Variants in VPS33B observed in about 807,000 individuals in gnomAD.
VPS33B encodes vacuolar protein sorting-associated protein 33B.
VPS33B carries 80 observed loss-of-function variants against 95.3 expected under a neutral mutation model. The observed-to-expected ratio is 0.84, with a 90% CI of 0.70 to 1.01. The LOEUF is 1.01. VPS33B is among the 50% of genes least tolerant of loss of function. VPS33B has a pLI of 0.00. For synonymous variants in VPS33B, 280 were observed against 280.4 expected, an observed-to-expected ratio of 1.00 and a Z score of 0.01; for missense variants, 715 against 773.4, an observed-to-expected ratio of 0.92 and a Z score of 0.90.
intron 2 of VPS33B, among the ~76,000 whole-genome samples, 200 bp downstream of exon 2, chr15:91,017,605 G>A (rs960570442): frequency 1.3e-5 from 2 of 150,942 alleles, no homozygotes; most frequent in African/African-American, 4.9e-5. Context: ...TCCAGCCTGG[G>A]CAACAGAGAG....
chr15:91,005,147 A>T lies in VPS33B; in HGVS notation c.1106-28T>A. On this transcript the variant is annotated intron_variant, in intron 14 of 22. Transcript: ENST00000333371. This position sits in a 1 kb window ranked among gnomAD's most constrained non-coding sequence, Gnocchi z 6.4. ...GTGAGTAATCAGAGGAGAGCCTGTT[A>T]CTGGGGGCCAGCTCAGCTGCTGCCA... is the stretch of plus-strand genomic sequence containing the variant. The T allele has an allele frequency of 6.2e-7, 1 of 1,614,106 alleles. No individual in the cohort carries two copies. The highest frequency in any genetic ancestry group is 8.5e-7 in the Non-Finnish European group (1 of 1,180,040).
At position 91,013,816 on chromosome 15, in the gene VPS33B, G is replaced by T; in HGVS notation, c.345C>A (p.Phe115Leu). Residue 115 changes from phenylalanine to leucine, a missense_variant, in exon 5 of 23, where the codon TTC (phenylalanine) becomes TTA (leucine). Phe to Leu is a conservative substitution (Grantham distance 22). Transcript: ENST00000333371. The surrounding 1 kb of genome is among the most constrained non-coding windows in gnomAD (Gnocchi z 4.5). ...GATCCAAACTCACCTTTTGAGGGCT[G>T]AAGATCACTTTGTATTTGCGAGTTC... ...AGRTRKYKVI[F>L]SPQKFYACEM... The T allele has an allele frequency of 6.2e-7, 1 of 1,614,142 alleles. No individual in the cohort carries two copies. Among genetic ancestry groups the T allele is most frequent in the African/African-American group, 1.3e-5 (1 of 75,042 alleles).
chr15:91,020,694 A>T (rs2041077564), intron 1 of VPS33B, among the ~76,000 whole-genome samples: 1 of 152,160 alleles, frequency 6.6e-6, no homozygotes, highest in Non-Finnish European at 1.5e-5. Flanking sequence ...CAGCCTGGCC[A>T]ACATGGTGAA....
At position 91,013,513 on chromosome 15, in the gene VPS33B, C is replaced by T. The variant is rs558331387; in HGVS notation, c.357+291G>A. Among the ~76,000 whole-genome samples the T allele has an allele frequency of 2.6e-5, 4 of 152,212 alleles. No homozygotes were observed. The highest frequency in any genetic ancestry group is 6.5e-5 in the Admixed American group (1 of 15,276). ...ATGGCAGGAGTGGGTTGCTATAAGGCGAGTCCAGCCCCTGGGTGTCTCTTG... is the reference window on the plus strand; with the variant it reads ...ATGGCAGGAGTGGGTTGCTATAAGGTGAGTCCAGCCCCTGGGTGTCTCTTG... On this transcript the variant is annotated intron_variant, in intron 5 of 22. Transcript: ENST00000333371. The surrounding 1 kb of genome is among the most constrained non-coding windows in gnomAD (Gnocchi z 4.5).
At position 91,013,103 on chromosome 15, in the gene VPS33B, G is replaced by GT. The variant is rs1447250042; in HGVS notation, c.357+700dup. Among the ~76,000 whole-genome samples, 7 of 152,162 alleles carry GT rather than the reference G, an allele frequency of 4.6e-5. No individual in the cohort carries two copies. Among genetic ancestry groups the GT allele is most frequent in the African/African-American group, 1.7e-4 (7 of 41,412 alleles). On this transcript the variant is annotated intron_variant, in intron 5 of 22. Coordinates refer to ENST00000333371, the MANE Select transcript of VPS33B (RefSeq NM_018668.5). This position sits in a 1 kb window ranked among gnomAD's most constrained non-coding sequence, Gnocchi z 4.5. ...ACAGGGAGAAAGTCACTGGAAAGCCGTAACATTGTGCACCATTACTATACT... is the reference window on the plus strand; with the variant it reads ...ACAGGGAGAAAGTCACTGGAAAGCCGTTAACATTGTGCACCATTACTATACT...
chr15:91,014,908 G>A (rs1055329643), intron 3 of VPS33B, among the ~76,000 whole-genome samples: 29 of 152,030 alleles, frequency 1.9e-4, no homozygotes, highest in Admixed American at 3.3e-4. Context: ...GCAACACAGT[G>A]AGACCTCATC....
At position 91,005,282 on chromosome 15, in the gene VPS33B, C is replaced by G. The variant is rs1437332214; in HGVS notation, c.1105+98G>C. On this transcript the variant is annotated intron_variant, in intron 14 of 22. Coordinates refer to ENST00000333371, the MANE Select transcript of VPS33B (RefSeq NM_018668.5). This position sits in a 1 kb window ranked among gnomAD's most constrained non-coding sequence, Gnocchi z 6.4. ...CAGCATTCCACATAGCCAGTGTCAG[C>G]TGGAAAGAGCCAGAGAACATCTTTT... 1.8e-5 allele frequency: 29 copies of G among 1,612,816 alleles called. No homozygotes were observed. The highest frequency in any genetic ancestry group is 2.4e-5 in the Non-Finnish European group (28 of 1,179,766).
At position 91,009,928 on chromosome 15, in the gene VPS33B, A is replaced by G; in HGVS notation, c.358-82T>C. ...CTCTGGAGTTCCTCTGTGGTCACTG[A>G]TGAGGACAATAATTGCCGAACCCAG... On this transcript the variant is annotated intron_variant, in intron 5 of 22. Coordinates refer to ENST00000333371, the MANE Select transcript of VPS33B (RefSeq NM_018668.5). The surrounding 1 kb of genome is among the most constrained non-coding windows in gnomAD (Gnocchi z 4.1). 1 of 1,527,464 alleles carries G rather than the reference A, an allele frequency of 6.5e-7. No individual in the cohort carries two copies. Among genetic ancestry groups the G allele is most frequent in the Non-Finnish European group, 9.1e-7 (1 of 1,103,306 alleles). The allele number at this position is 1,527,464 out of a possible 1,614,324, so 94.6% of individuals were successfully genotyped here.
intron 3 of VPS33B, 53 bp downstream of exon 3, chr15:91,016,910 C>T: frequency 6.4e-7 from 1 of 1,573,342 alleles, no homozygotes; most frequent in East Asian, 2.2e-5. Flanking sequence ...GCAGACGTGC[C>T]CCTAGGGACC....
Position 91,011,050 on chromosome 15 carries a change from A to T in VPS33B, c.358-1204T>A, listed in dbSNP as rs868536735. Among the ~76,000 whole-genome samples, 6 of 152,324 alleles carry T rather than the reference A, an allele frequency of 3.9e-5. No homozygotes were observed. The Middle Eastern group carries it at 0.01, about 259-fold the overall frequency. On this transcript the variant is annotated intron_variant, in intron 5 of 22. Coordinates refer to ENST00000333371, the MANE Select transcript of VPS33B (RefSeq NM_018668.5). This position sits in a 1 kb window ranked among gnomAD's most constrained non-coding sequence, Gnocchi z 5.5. ...AAGGCATAGACATGGGTGAAGGCAG[A>T]AGAGAAAGTCTACCTGGTAAAGCAA...
chr15:90,999,217 G>T lies in VPS33B; in HGVS notation c.1775-163C>A. ...TTGGGCACCACTGCTTTCTATGACT[G>T]GTATAACTGGGCTCCCTGCTGTGGC... On this transcript the variant is annotated intron_variant, in intron 22 of 22. Transcript: ENST00000333371. This position sits in a 1 kb window ranked among gnomAD's most constrained non-coding sequence, Gnocchi z 5.1. 2 of 713,536 alleles carry T rather than the reference G, an allele frequency of 2.8e-6. No individual in the cohort carries two copies. The allele number at this position is 713,536 out of a possible 1,614,324, so 44.2% of individuals were successfully genotyped here.
In VPS33B at chr15:91,009,352, G is replaced by A. The variant is rs1164480568; in HGVS notation, c.403+449C>T. Among the ~76,000 whole-genome samples, 1 of 151,132 alleles carries A rather than the reference G, an allele frequency of 6.6e-6. No individual in the cohort carries two copies. Among genetic ancestry groups the A allele is most frequent in the Non-Finnish European group, 1.5e-5 (1 of 67,918 alleles). ...TCTGAGTCTCACTCTTGTTGCCCAG[G>A]CTGGAGTGCAATGGCGTGATCTCGG... On this transcript the variant is annotated intron_variant, in intron 6 of 22. Transcript: ENST00000333371. The surrounding 1 kb of genome is among the most constrained non-coding windows in gnomAD (Gnocchi z 4.1).
rs1398435967 is a variant in VPS33B at position 91,019,403 on chromosome 15, G to A, written c.97-1518C>T. 2.0e-5 allele frequency among the ~76,000 whole-genome samples: 3 copies of A among 152,134 alleles called. No homozygotes were observed. The East Asian group carries it at 5.8e-4, about 29-fold the overall frequency. ...CCCAAACTGTTGGGATTATAGGTGT[G>A]AGCCACCACGTTTGGCCTTTTTAAA... On this transcript the variant is annotated intron_variant, in intron 1 of 22. Transcript: ENST00000333371.
chr15:91,001,787 GT>G (rs1362536854), intron 18 of VPS33B, among the ~76,000 whole-genome samples: 3 of 152,082 alleles, frequency 2.0e-5, no homozygotes, highest in Non-Finnish European at 2.9e-5. Flanking sequence ...CTAAGCCTCA[GT>G]TTCATCATAA....
rs1936708272 is a variant in VPS33B at position 91,018,805 on chromosome 15, T to A, written c.97-920A>T. 6.6e-6 allele frequency among the ~76,000 whole-genome samples: 1 copy of A among 152,084 alleles called. No homozygotes were observed. The highest frequency in any genetic ancestry group is 2.1e-4 in the South Asian group (1 of 4,826). ...GAAATCTTTTTTTTTAAATCTTATTTGTTGTTTTGTTTTGTTTGTTTGTTT... is the reference window on the plus strand; with the variant it reads ...GAAATCTTTTTTTTTAAATCTTATTAGTTGTTTTGTTTTGTTTGTTTGTTT... On this transcript the variant is annotated intron_variant, in intron 1 of 22. Transcript: ENST00000333371. The surrounding 1 kb of genome is among the most constrained non-coding windows in gnomAD (Gnocchi z 4.7).
rs1436511820 is a variant in VPS33B, at chr15:91,006,647, CT to C, written c.778+4del. On this transcript the variant is annotated splice_donor_region_variant and intron_variant, in intron 10 of 22. Coordinates refer to ENST00000333371, the MANE Select transcript of VPS33B (RefSeq NM_018668.5). This position sits in a 1 kb window ranked among gnomAD's most constrained non-coding sequence, Gnocchi z 5.4. ...TGCCAAGATGCAGAGGACCATAGCA[CT>C]TACCACACTTGATGCGGAAGGTGTC... 1 of 1,614,224 alleles carries C rather than the reference CT, an allele frequency of 6.2e-7. No homozygotes were observed.
At position 91,009,748 on chromosome 15, in the gene VPS33B, T is replaced by G; in HGVS notation, c.403+53A>C. 6.2e-7 allele frequency: 1 copy of G among 1,607,890 alleles called. No individual in the cohort carries two copies. Among genetic ancestry groups the G allele is most frequent in the Non-Finnish European group, 8.5e-7 (1 of 1,174,768 alleles). On this transcript the variant is annotated intron_variant, in intron 6 of 22. Transcript: ENST00000333371. This position sits in a 1 kb window ranked among gnomAD's most constrained non-coding sequence, Gnocchi z 4.1. ...GGGGGGGTTGGAGAACAACAACAGT[T>G]TTTTCTTCTGTATGTTCTCTTTCCC...
chr15:91,007,971 G>A lies in VPS33B; in HGVS notation c.404-7C>T. ...CATTCATCACAGCTCACATCTGTGGGGACAGAGAGCATCAGCCTCCCTGCA... is the reference window on the plus strand; with the variant it reads ...CATTCATCACAGCTCACATCTGTGGAGACAGAGAGCATCAGCCTCCCTGCA... On this transcript the variant is annotated splice_region_variant and splice_polypyrimidine_tract_variant and intron_variant, in intron 6 of 22. Coordinates refer to ENST00000333371, the MANE Select transcript of VPS33B (RefSeq NM_018668.5). The surrounding 1 kb of genome is among the most constrained non-coding windows in gnomAD (Gnocchi z 5.3). 1 of 1,613,650 alleles carries A rather than the reference G, an allele frequency of 6.2e-7. No individual in the cohort carries two copies. Among genetic ancestry groups the A allele is most frequent in the East Asian group, 2.2e-5 (1 of 44,876 alleles).
chr15:91,006,453 A>G lies in VPS33B; in HGVS notation c.779-8T>C, dbSNP rs1165583207. 6.2e-7 allele frequency: 1 copy of G among 1,614,122 alleles called. No homozygotes were observed. ...GGCCAAAGTCGACACTCCCTTTGAG[A>G]GCAGAGGGACAGCTATTAGGATCTC... On this transcript the variant is annotated splice_polypyrimidine_tract_variant and splice_region_variant and intron_variant, in intron 10 of 22. Coordinates refer to ENST00000333371, the MANE Select transcript of VPS33B (RefSeq NM_018668.5). The surrounding 1 kb of genome is among the most constrained non-coding windows in gnomAD (Gnocchi z 5.4).
Sources: gnomAD v4.1 joint callset for allele counts (sites outside exome capture counted in the v4.1 genomes callset) on GRCh38, gnomAD v4.1.1 for gene constraint, Gnocchi (gnomAD v3.1) non-coding constraint, MANE v1.5 for transcripts, NCBI Gene and HGNC (gene_info 2026-07-23, HGNC 2026-07-21) for gene names.